SORD: variants seen among roughly 807,000 people sequenced by gnomAD.
The protein encoded by SORD is (R,R)-butanediol dehydrogenase.
In SORD, 18 loss-of-function variants were observed where a neutral mutation model predicts 35.6. The observed-to-expected ratio is 0.51, with a 90% confidence interval of 0.35 to 0.75. The LOEUF (loss-of-function observed/expected upper bound fraction) is 0.75, where lower values mean the gene tolerates loss of function less well. Among genes scored for constraint, SORD ranks in the 30% least tolerant of loss-of-function variants. The probability of loss-of-function intolerance (pLI) is 0.01; values close to 1 mark genes in which losing one functional copy is unlikely to be tolerated. For missense variants in SORD, 250 were observed against 390.2 expected, an observed-to-expected ratio of 0.64 and a Z score of 3.03; for synonymous variants, 106 against 152.9, an observed-to-expected ratio of 0.69 and a Z score of 2.26.
At chr15:45,035,643 C>G (rs948173336) in intron 1 of SORD, among the ~76,000 whole-genome samples, 1 of 152,186 alleles carries the variant, frequency 6.6e-6, no homozygotes, top group Non-Finnish European at 1.5e-5. Flanking sequence ...CCCTTCCACA[C>G]TGTGGAAGCT....
intron 3 of SORD, among the ~76,000 whole-genome samples, chr15:45,043,622 A>G (rs963681224): frequency 6.8e-6 from 1 of 148,058 alleles, no homozygotes; most frequent in African/African-American, 2.5e-5. Context: ...TGTTAAGGGC[A>G]GTAGAGGAGA....
intron 1 of SORD, among the ~76,000 whole-genome samples, chr15:45,038,409 A>G (rs1369514112): frequency 6.6e-6 from 1 of 152,210 alleles, no homozygotes; most frequent in Non-Finnish European, 1.5e-5. Flanking sequence ...TAAAGCACAC[A>G]GTACCTGCCA....
chr15:45,074,684 G>C lies in SORD; in HGVS notation c.*1154G>C, dbSNP rs557949127. The C allele has an allele frequency of 1.5e-5, 2 of 131,536 alleles. No individual in the cohort carries two copies. Among genetic ancestry groups the C allele is most frequent in the Non-Finnish European group, 3.0e-5 (2 of 66,498 alleles). 8.1% of individuals were successfully genotyped at this position (131,536 alleles called of 1,614,324 possible). ...TCAAGAATGAGGATATAGTAGCCAT[G>C]ACATAGCTTGAGCTATAGCCTTTAA... is the stretch of plus-strand genomic sequence containing the variant. On this transcript the variant is annotated 3_prime_UTR_variant, in exon 9 of 9. Coordinates refer to ENST00000267814, the MANE Select transcript of SORD (RefSeq NM_003104.6).
intron 1 of SORD, among the ~76,000 whole-genome samples, chr15:45,037,278 T>G (rs1892883020): frequency 6.6e-6 from 1 of 152,236 alleles, no homozygotes; most frequent in African/African-American, 2.4e-5. Context: ...TCACTGCAGC[T>G]TTGCTGTGTG....
At chr15:45,029,879 C>T (rs74011322) in intron 1 of SORD, among the ~76,000 whole-genome samples, 31,212 of 150,762 alleles carry the variant, frequency 0.21, no homozygotes, top group African/African-American at 0.44. Flanking sequence ...GGTCATTTCC[C>T]CCTCTACCAA....
Position 45,023,249 on chromosome 15 carries a change from C to A in SORD, c.-35C>A. ...CACCAGAGCGACCAAACGTCCCGCG[C>A]CTTCCAGGCCGCACTCCAGAGCCAA... On this transcript the variant is annotated 5_prime_UTR_variant, in exon 1 of 9. Coordinates refer to ENST00000267814, the MANE Select transcript of SORD (RefSeq NM_003104.6). 2 of 1,519,696 alleles carry A rather than the reference C, an allele frequency of 1.3e-6. No individual in the cohort carries two copies. Among genetic ancestry groups the A allele is most frequent in the Non-Finnish European group, 1.8e-6 (2 of 1,133,252 alleles). 94.1% of individuals were successfully genotyped at this position (1,519,696 alleles called of 1,614,324 possible). A position where few individuals can be genotyped will look rare whatever the true frequency, so the allele number is the denominator to read the frequency against.
In SORD at chr15:45,039,259, G is replaced by A. The variant is rs2141268515; in HGVS notation, c.67-1149G>A. ...TTCTCCTGCCTCAGCCTCCTGAGTA[G>A]CTGAGACTACAGGCGCGTGCCACCA... On this transcript the variant is annotated intron_variant, in intron 1 of 8. Coordinates refer to ENST00000267814, the MANE Select transcript of SORD (RefSeq NM_003104.6). Among the ~76,000 whole-genome samples, 3 of 152,212 alleles carry A rather than the reference G, an allele frequency of 2.0e-5. No homozygotes were observed. In the South Asian group the frequency reaches 6.2e-4, roughly 32 times the overall value.
At chr15:45,034,698 TC>T (rs200773146) in intron 1 of SORD, among the ~76,000 whole-genome samples, 2,391 of 152,336 alleles carry the variant, frequency 0.016, 17 homozygotes, top group Middle Eastern at 0.031. Context: ...CTCTTCGCTC[TC>T]CGCGCCTCCT....
intron 4 of SORD, among the ~76,000 whole-genome samples, chr15:45,064,150 G>T (rs1371475720): frequency 6.6e-6 from 1 of 150,434 alleles, no homozygotes; most frequent in Non-Finnish European, 1.5e-5. Flanking sequence ...TGGGGTGCTG[G>T]GTAAATCCTG....
At chr15:45,042,642 C>T (rs901250128) in intron 2 of SORD, among the ~76,000 whole-genome samples, 7 of 152,108 alleles carry the variant, frequency 4.6e-5, no homozygotes, top group Admixed American at 1.3e-4. Flanking sequence ...ACGAATCACG[C>T]GTAGCATATT....
chr15:45,063,750 C>A (rs1419009420), intron 4 of SORD, among the ~76,000 whole-genome samples: 1 of 152,196 alleles, frequency 6.6e-6, no homozygotes, highest in Non-Finnish European at 1.5e-5. Flanking sequence ...GAAGGGCAGG[C>A]GTGTCTAGGA....
intron 4 of SORD, among the ~76,000 whole-genome samples, chr15:45,063,685 C>T (rs1236763644): frequency 2.0e-5 from 3 of 152,204 alleles, no homozygotes; most frequent in Admixed American, 1.3e-4. Context: ...GTAGTTTCCA[C>T]GCAAGCCACC....
At chr15:45,031,265 C>T (rs981645029) in intron 1 of SORD, among the ~76,000 whole-genome samples, 2 of 151,862 alleles carry the variant, frequency 1.3e-5, no homozygotes, top group South Asian at 2.1e-4. Context: ...TTGTGGTGAG[C>T]TATTAATGTG....
chr15:45,039,202 C>T (rs1252366974), intron 1 of SORD, among the ~76,000 whole-genome samples: 1 of 151,972 alleles, frequency 6.6e-6, no homozygotes, highest in Non-Finnish European at 1.5e-5. Flanking sequence ...AATCTGGGCT[C>T]ACTGCTACCT....
Position 45,077,174 on chromosome 15 carries a change from C to T in SORD, c.*3644C>T, listed in dbSNP as rs1354040823. 7.0e-6 allele frequency: 1 copy of T among 142,508 alleles called. No homozygotes were observed. The highest frequency in any genetic ancestry group is 6.7e-5 in the Admixed American group (1 of 14,996). The allele number at this position is 142,508 out of a possible 1,614,324, so 8.8% of individuals were successfully genotyped here. A position where few individuals can be genotyped will look rare whatever the true frequency, so the allele number is the denominator to read the frequency against. On this transcript the variant is annotated 3_prime_UTR_variant, in exon 9 of 9. Coordinates refer to ENST00000267814, the MANE Select transcript of SORD (RefSeq NM_003104.6). ...CTAATAATAAAGTTGCAATGACAAC[C>T]CTTGTTGCATATTTTTGTTCTCCTG...
chr15:45,071,429 G>C (rs1002306362), intron 7 of SORD, among the ~76,000 whole-genome samples: 1 of 152,128 alleles, frequency 6.6e-6, no homozygotes, highest in Non-Finnish European at 1.5e-5. Context: ...TGTCTCCATG[G>C]TGTATCCATC....
chr15:45,043,609 A>G (rs1893001892), intron 3 of SORD, among the ~76,000 whole-genome samples, 188 bp downstream of exon 3: 1 of 147,808 alleles, frequency 6.8e-6, no homozygotes, highest in Non-Finnish European at 1.5e-5. Context: ...CTTAGTCACC[A>G]TGTGTTAAGG....
intron 1 of SORD, among the ~76,000 whole-genome samples, chr15:45,038,938 A>G (rs1595498067): frequency 6.6e-6 from 1 of 152,144 alleles, no homozygotes; most frequent in Non-Finnish European, 1.5e-5. Flanking sequence ...AGAAAAGACA[A>G]ATTCCACCTT....
intron 1 of SORD, among the ~76,000 whole-genome samples, chr15:45,027,814 G>A (rs1892701039): frequency 6.6e-6 from 1 of 152,244 alleles, no homozygotes; most frequent in Non-Finnish European, 1.5e-5. Flanking sequence ...GGTGGTGGGG[G>A]TGGTGGGAAG....
Sources: gnomAD v4.1 joint callset for allele counts (sites outside exome capture counted in the v4.1 genomes callset) on GRCh38, gnomAD v4.1.1 for gene constraint, MANE v1.5 for transcripts, NCBI Gene and HGNC (gene_info 2026-07-23, HGNC 2026-07-21) for gene names.